Variants in SIDT1 observed in about 807,000 individuals in gnomAD.
SIDT1 encodes the protein SID1 transmembrane family, member 1.
A neutral mutation model predicts 107.5 loss-of-function variants in SIDT1; 101 were observed. The ratio of observed to expected loss-of-function variants is 0.94; its 90% CI spans 0.80 to 1.11. The LOEUF is 1.11. Among genes scored for constraint, SIDT1 ranks in the 50% least tolerant of loss-of-function variants. The pLI, the probability that SIDT1 is intolerant of heterozygous loss-of-function variation, is 0.00. For synonymous variants in SIDT1, 395 were observed against 398.2 expected (o/e 0.99, Z 0.10); for missense variants, 1,076 against 1,058.2 (o/e 1.02, Z -0.23).
At chr3:113,597,514 A>AAC (rs1553801489) in intron 10 of SIDT1, among the ~76,000 whole-genome samples, 10 of 148,968 alleles carry the variant, frequency 6.7e-5, no homozygotes, top group South Asian at 4.2e-4. Flanking sequence ...AAAAAAAAAA[A>AAC]AAAAAATCAT....
intron 1 of SIDT1, among the ~76,000 whole-genome samples, chr3:113,540,818 C>T (rs952909223): frequency 6.6e-6 from 1 of 152,052 alleles, no homozygotes; most frequent in African/African-American, 2.4e-5. Flanking sequence ...TGTACTAATA[C>T]ATTTTATAAT....
chr3:113,606,471 G>A (rs1945342329), intron 14 of SIDT1: 1 of 152,242 alleles, frequency 6.6e-6, no homozygotes, highest in Admixed American at 6.5e-5. Context: ...GTGAGAAAAA[G>A]GACTTCATGA....
chr3:113,591,708 T>C (rs575857308), intron 9 of SIDT1, among the ~76,000 whole-genome samples: 22 of 152,344 alleles, frequency 1.4e-4, no homozygotes, highest in African/African-American at 5.1e-4. Flanking sequence ...AAGACTCTTC[T>C]TGCTGTGCAG....
chr3:113,546,007 A>T (rs535808133), intron 1 of SIDT1, among the ~76,000 whole-genome samples: 1 of 152,360 alleles, frequency 6.6e-6, no homozygotes, highest in Admixed American at 6.5e-5. Context: ...AATATTTCAC[A>T]ATAAACACAT....
At position 113,623,519 on chromosome 3, in the gene SIDT1, ACAT is replaced by A; in HGVS notation, c.2190_2192del (p.Ile730del). The A allele has an allele frequency of 1.2e-6, 2 of 1,613,494 alleles. No homozygotes were observed. Among genetic ancestry groups the A allele is most frequent in the Non-Finnish European group, 1.7e-6 (2 of 1,179,436 alleles). On this transcript the variant is annotated inframe_deletion, in exon 22 of 25. Coordinates refer to ENST00000264852, the MANE Select transcript of SIDT1 (RefSeq NM_017699.3). ...AACCTTTTGCTGTACCTGGCCTTTT[ACAT>A]CATCATGAAGGTAAGAGCGGGTGCC...
chr3:113,533,186 G>T lies in SIDT1; in HGVS notation c.165G>T (p.Val55=). The change falls in exon 1 of 25, where the codon GTG becomes GTT. Residue 55 remains valine (V), a synonymous_variant. Coordinates refer to ENST00000264852, the MANE Select transcript of SIDT1 (RefSeq NM_017699.3). ...GADFDHVYSG[V]VNLSTENIYS... Reference sequence around the variant, plus strand: ...ATTTCGATCATGTCTACAGCGGGGTGGTGAACCTCAGCACCGAGAACATCT... The same window carrying T: ...ATTTCGATCATGTCTACAGCGGGGTTGTGAACCTCAGCACCGAGAACATCT... The T allele has an allele frequency of 6.3e-7, 1 of 1,576,024 alleles. No individual in the cohort carries two copies. The highest frequency in any genetic ancestry group is 8.6e-7 in the Non-Finnish European group (1 of 1,162,274).
intron 7 of SIDT1, among the ~76,000 whole-genome samples, chr3:113,583,847 G>T (rs547149425): frequency 6.6e-6 from 1 of 152,200 alleles, no homozygotes; most frequent in South Asian, 2.1e-4. Flanking sequence ...CTTAAGATGG[G>T]GTGGTAACCA....
rs61454117 is a variant in SIDT1 at position 113,623,192 on chromosome 3, TAAA to T, written c.2091-208_2091-206del. ...AGTGAGGGAATGAGACCCCAACTCT[TAAA>T]AAAAAAAAAAAAAAAAAAAAAAAAA... On this transcript the variant is annotated intron_variant, in intron 21 of 24. Transcript: ENST00000264852. Among the ~76,000 whole-genome samples the T allele has an allele frequency of 7.2e-3, 388 of 53,826 alleles. 3 individuals are homozygous for T. Among genetic ancestry groups the T allele is most frequent in the African/African-American group, 0.022 (267 of 12,340 alleles). The allele number at this position is 53,826 out of a possible 152,430, so 35.3% of individuals were successfully genotyped here.
In SIDT1 at chr3:113,532,574, T is replaced by A. The variant is rs1937602906; in HGVS notation, c.-448T>A. On this transcript the variant is annotated 5_prime_UTR_variant, in exon 1 of 25. Transcript: ENST00000264852. The stretch of plus-strand genomic sequence containing the variant: ...GCACACGTATTTGAAACAGACCGAA[T>A]TTCCTCCTCGATGTGGCGTCAGGTT... The A allele has an allele frequency of 6.4e-6, 1 of 156,448 alleles. No individual in the cohort carries two copies. The highest frequency in any genetic ancestry group is 2.4e-5 in the African/African-American group (1 of 41,648). The allele number at this position is 156,448 out of a possible 1,614,324, so 9.7% of individuals were successfully genotyped here.
At chr3:113,588,236 G>A (rs1479045526) in intron 9 of SIDT1, among the ~76,000 whole-genome samples, 1 of 152,174 alleles carries the variant, frequency 6.6e-6, no homozygotes, top group Non-Finnish European at 1.5e-5. Flanking sequence ...ATGGTCAAAT[G>A]CACAGCATAG....
At chr3:113,553,193 G>A (rs1187194968) in intron 1 of SIDT1, among the ~76,000 whole-genome samples, 1 of 152,108 alleles carries the variant, frequency 6.6e-6, no homozygotes, top group Non-Finnish European at 1.5e-5. Context: ...GGCCTTCCCT[G>A]AAGTCCCTTC....
At chr3:113,619,649 C>G (rs1409129982) in intron 20 of SIDT1, 31 bp from the exon 21 acceptor site, 1 of 1,608,376 alleles carries the variant, frequency 6.2e-7, no homozygotes, top group Non-Finnish European at 8.5e-7. Flanking sequence ...TGTGCAGCCT[C>G]TCATTTGATG....
At chr3:113,612,017 G>A in intron 18 of SIDT1, 69 bp from the exon 19 acceptor site, 3 of 1,116,136 alleles carry the variant, frequency 2.7e-6, no homozygotes, top group African/African-American at 1.5e-5. Context: ...ACATACAGGA[G>A]AGAGGATGAT....
At chr3:113,557,424 T>C (rs1940995235) in intron 1 of SIDT1, among the ~76,000 whole-genome samples, 1 of 152,176 alleles carries the variant, frequency 6.6e-6, no homozygotes. Context: ...CAAGTTAAGA[T>C]GCAGTTATTA....
Position 113,606,815 on chromosome 3 carries a change from G to T in SIDT1, c.1405-226G>T. Reference sequence around the variant, plus strand: ...TTCCACCTTGGGGCTGCATAAGAGGGTACACAGAATATTCCCATTCAAAGC... The same window carrying T: ...TTCCACCTTGGGGCTGCATAAGAGGTTACACAGAATATTCCCATTCAAAGC... On this transcript the variant is annotated intron_variant, in intron 14 of 24. Transcript: ENST00000264852. 6 of 461,152 alleles carry T rather than the reference G, an allele frequency of 1.3e-5. No homozygotes were observed. In the South Asian group the frequency reaches 2.6e-4, roughly 20 times the overall value. The allele number at this position is 461,152 out of a possible 1,614,324, so 28.6% of individuals were successfully genotyped here. A position where few individuals can be genotyped will look rare whatever the true frequency, so the allele number is the denominator to read the frequency against.
rs1157396206 is a variant in SIDT1, at chr3:113,532,639, C to T, written c.-383C>T. On this transcript the variant is annotated 5_prime_UTR_variant, in exon 1 of 25. Coordinates refer to ENST00000264852, the MANE Select transcript of SIDT1 (RefSeq NM_017699.3). ...AGCGGGTATTTCTTTTTAATGACTC[C>T]AATGCCTTTTTATTATTGCTGTTAT... is the stretch of plus-strand genomic sequence containing the variant. 5.2e-6 allele frequency: 1 copy of T among 193,038 alleles called. No homozygotes were observed. Among genetic ancestry groups the T allele is most frequent in the African/African-American group, 2.3e-5 (1 of 42,972 alleles). The allele number at this position is 193,038 out of a possible 1,614,324, so 12.0% of individuals were successfully genotyped here. A position where few individuals can be genotyped will look rare whatever the true frequency, so the allele number is the denominator to read the frequency against.
chr3:113,581,311 T>C (rs755649150), intron 5 of SIDT1, 50 bp from the exon 6 acceptor site: 30 of 1,427,408 alleles, frequency 2.1e-5, no homozygotes, highest in Non-Finnish European at 3.0e-5. Flanking sequence ...TGGCATGACA[T>C]TGCATGACAT....
intron 3 of SIDT1, 52 bp downstream of exon 3, chr3:113,567,762 G>C (rs1942056150): frequency 1.3e-6 from 2 of 1,553,044 alleles, no homozygotes; most frequent in African/African-American, 2.7e-5. Context: ...GCTTGTGGAT[G>C]CTCAATTCAT....
chr3:113,555,837 G>A (rs879583638), intron 1 of SIDT1, among the ~76,000 whole-genome samples: 1 of 141,402 alleles, frequency 7.1e-6, no homozygotes, highest in African/African-American at 2.6e-5. Flanking sequence ...TACATAAGAC[G>A]GACTATATAA....
Sources: allele counts gnomAD v4.1 joint callset (sites outside exome capture counted in the v4.1 genomes callset), GRCh38; gene constraint gnomAD v4.1.1; transcripts MANE v1.5; gene names NCBI Gene and HGNC (gene_info 2026-07-23, HGNC 2026-07-21).